Variants in SESN1 observed in about 807,000 individuals in gnomAD.
The protein encoded by SESN1 is sestrin-1.
In SESN1, 30 loss-of-function variants were observed where a neutral mutation model predicts 59.3. The observed-to-expected ratio is 0.51, with a 90% CI of 0.38 to 0.69. The LOEUF is 0.69. Among genes scored for constraint, SESN1 ranks in the 30% least tolerant of loss-of-function variants. SESN1 has a pLI of 0.00. For synonymous variants in SESN1, 197 were observed against 219.9 expected, an observed-to-expected ratio of 0.90 and a Z score of 0.92; for missense variants, 566 against 673.0, an observed-to-expected ratio of 0.84 and a Z score of 1.76.
At chr6:109,069,256 T>TA (rs1180987407) in intron 1 of SESN1, among the ~76,000 whole-genome samples, 2 of 149,686 alleles carry the variant, frequency 1.3e-5, no homozygotes, top group Non-Finnish European at 3.0e-5. Context: ...TTGATAGGTT[T>TA]AAAAAAAAAG....
chr6:109,070,880 A>G (rs1381136194), intron 1 of SESN1, among the ~76,000 whole-genome samples: 1 of 152,200 alleles, frequency 6.6e-6, no homozygotes, highest in African/African-American at 2.4e-5. Context: ...CCTAAGTGAT[A>G]CTGATGCTGC....
intron 1 of SESN1, 148 bp downstream of exon 1, chr6:109,093,647 A>C: frequency 2.7e-6 from 2 of 728,864 alleles, no homozygotes; most frequent in East Asian, 5.7e-5. Context: ...GAAAAACACT[A>C]CTTGTTTACT....
intron 7 of SESN1, among the ~76,000 whole-genome samples, chr6:108,992,532 T>C (rs1779407474): frequency 6.6e-6 from 1 of 152,142 alleles, no homozygotes; most frequent in Non-Finnish European, 1.5e-5. Context: ...ACGCTGGGAG[T>C]ATCAACTCAT....
intron 1 of SESN1, among the ~76,000 whole-genome samples, chr6:109,063,871 T>G (rs1394007260): frequency 2.0e-5 from 3 of 149,862 alleles, no homozygotes; most frequent in Non-Finnish European, 4.4e-5. Flanking sequence ...TACCCAAAAA[T>G]GTCTGAAAAT....
At chr6:109,064,624 GGA>G (rs1780789996) in intron 1 of SESN1, among the ~76,000 whole-genome samples, 1 of 17,890 alleles carries the variant, frequency 5.6e-5, no homozygotes, top group Non-Finnish European at 1.3e-4. Flanking sequence ...GGAGGGGAGG[GGA>G]GGGGAGGGGA....
intron 7 of SESN1, among the ~76,000 whole-genome samples, chr6:108,991,079 C>CA (rs1037394101): frequency 2.4e-5 from 3 of 126,966 alleles, no homozygotes; most frequent in African/African-American, 5.1e-5. Flanking sequence ...AAAAAAACAA[C>CA]AACAAAAAAA....
rs749194519 is a variant in SESN1, at chr6:109,093,937, GGT to G, written c.135_136del (p.Pro46SerfsTer18). ...TGAAAGCCCGTCTGATGGACGATGA[GGT>G]GTTTCTTTCACCGAACGAAGATACT... On this transcript the variant is annotated frameshift_variant, in exon 1 of 10. Transcript: ENST00000436639. LOFTEE classifies it high-confidence loss of function. 1 of 1,614,166 alleles carries G rather than the reference GGT, an allele frequency of 6.2e-7. No individual in the cohort carries two copies. Among genetic ancestry groups the G allele is most frequent in the South Asian group, 1.1e-5 (1 of 91,084 alleles).
intron 1 of SESN1, among the ~76,000 whole-genome samples, chr6:109,032,837 T>C (rs914508383): frequency 3.3e-5 from 5 of 152,138 alleles, no homozygotes; most frequent in African/African-American, 1.2e-4. Flanking sequence ...AGCCATTGCT[T>C]GAGGACAATA....
chr6:108,994,083 T>C (rs1039850285), intron 6 of SESN1, among the ~76,000 whole-genome samples: 3 of 141,848 alleles, frequency 2.1e-5, no homozygotes, highest in African/African-American at 8.0e-5. Flanking sequence ...CAGGTTACAG[T>C]GAGCTACAAT....
chr6:109,020,032 A>C (rs546326113), intron 1 of SESN1, among the ~76,000 whole-genome samples: 3 of 152,366 alleles, frequency 2.0e-5, no homozygotes, highest in Admixed American at 2.0e-4. Flanking sequence ...AGTCAAAAGC[A>C]GCAGGATGCA....
At chr6:108,996,293 T>G (rs1327713086) in intron 5 of SESN1, among the ~76,000 whole-genome samples, 1 of 152,338 alleles carries the variant, frequency 6.6e-6, no homozygotes, top group East Asian at 1.9e-4. Context: ...AAGCCCTTTC[T>G]CTAAGACTTT....
chr6:109,007,949 T>C (rs1191608069), intron 1 of SESN1, among the ~76,000 whole-genome samples: 1 of 152,202 alleles, frequency 6.6e-6, no homozygotes, highest in African/African-American at 2.4e-5. Flanking sequence ...TTATGGAAGC[T>C]AGCTATTTGA....
At chr6:109,002,934 G>GT (rs971952061) in intron 1 of SESN1, among the ~76,000 whole-genome samples, 62 of 151,650 alleles carry the variant, frequency 4.1e-4, no homozygotes, top group African/African-American at 8.0e-4. Context: ...CTTAAATTAA[G>GT]TTTTTTTTTA....
chr6:108,993,974 C>A (rs1779447234), intron 6 of SESN1, among the ~76,000 whole-genome samples: 1 of 151,026 alleles, frequency 6.6e-6, no homozygotes, highest in Non-Finnish European at 1.5e-5. Context: ...CCCATCTCTA[C>A]AAAAAAAATT....
chr6:109,009,850 GGAA>G (rs916130605), intron 1 of SESN1, among the ~76,000 whole-genome samples: 3 of 152,064 alleles, frequency 2.0e-5, no homozygotes, highest in African/African-American at 7.2e-5. Context: ...CAGGGACAGG[GGAA>G]TCTGCCCCCT....
intron 8 of SESN1, among the ~76,000 whole-genome samples, chr6:108,988,985 T>C (rs1227933812): frequency 1.3e-5 from 2 of 152,194 alleles, no homozygotes; most frequent in Non-Finnish European, 2.9e-5. Context: ...TCTGCAATCA[T>C]GAACACGTAG....
chr6:109,085,243 G>A (rs995145003), intron 1 of SESN1, among the ~76,000 whole-genome samples: 50 of 152,094 alleles, frequency 3.3e-4, no homozygotes, highest in African/African-American at 1.2e-3. Context: ...TCACTGGCCA[G>A]GCGCAGCGGC....
At chr6:109,036,877 G>A (rs1027121121) in intron 1 of SESN1, among the ~76,000 whole-genome samples, 3 of 152,140 alleles carry the variant, frequency 2.0e-5, no homozygotes, top group East Asian at 3.8e-4. Context: ...TAATAAAACA[G>A]TCGTAAATCT....
At chr6:108,999,286 T>G (rs1342485373) in intron 4 of SESN1, among the ~76,000 whole-genome samples, 1 of 152,200 alleles carries the variant, frequency 6.6e-6, no homozygotes, top group African/African-American at 2.4e-5. Context: ...TTCTGCTTCA[T>G]TATCTATTTT....
Sources: allele counts gnomAD v4.1 joint callset (sites outside exome capture counted in the v4.1 genomes callset), GRCh38; gene constraint gnomAD v4.1.1; transcripts MANE v1.5; gene names NCBI Gene and HGNC (gene_info 2026-07-23, HGNC 2026-07-21).